The following NDST4 variants were observed in gnomAD, a reference collection of about 807,000 sequenced individuals.
NDST4 encodes N-deacetylase and N-sulfotransferase 4, also known as N-heparan sulfate sulfotransferase 4.
In NDST4, 63 loss-of-function variants were observed where a neutral mutation model predicts 100.8. The ratio of observed to expected loss-of-function variants is 0.62; its 90% confidence interval spans 0.51 to 0.77. The LOEUF is 0.77. NDST4 is among the 30% of genes least tolerant of loss of function. The pLI is 0.00. For missense variants in NDST4, 943 were observed against 1,018.4 expected (o/e 0.93, Z 1.01); for synonymous variants, 377 against 361.8 (o/e 1.04, Z -0.48).
intron 1 of NDST4, among the ~76,000 whole-genome samples, chr4:115,079,863 T>C (rs776359803): frequency 1.6e-4 from 24 of 152,174 alleles, no homozygotes; most frequent in Non-Finnish European, 2.9e-4. Context: ...ACCTCATTAG[T>C]AATTTAAGTT....
intron 5 of NDST4, among the ~76,000 whole-genome samples, chr4:114,935,769 C>A (rs959910777): frequency 2.6e-5 from 4 of 152,124 alleles, no homozygotes; most frequent in South Asian, 2.1e-4. Context: ...GTTTTCATAA[C>A]CCCTTCCACA....
chr4:114,901,588 A>G (rs1205500328), intron 6 of NDST4, among the ~76,000 whole-genome samples: 1 of 151,884 alleles, frequency 6.6e-6, no homozygotes, highest in East Asian at 1.9e-4. Flanking sequence ...CACTCTGACA[A>G]TCTCTATCTT....
intron 6 of NDST4, among the ~76,000 whole-genome samples, chr4:114,905,922 T>C (rs139555899): frequency 0.01 from 1,542 of 152,144 alleles, 28 homozygotes; most frequent in African/African-American, 0.035. Context: ...CTTTGACACA[T>C]GTTCATTTAT....
At chr4:114,906,405 G>A (rs190565751) in intron 6 of NDST4, among the ~76,000 whole-genome samples, 480 of 151,596 alleles carry the variant, frequency 3.2e-3, no homozygotes, top group Non-Finnish European at 5.4e-3. Context: ...GGAGATATTC[G>A]GGGGAGATTA....
chr4:114,835,423 G>T (rs1189973040), intron 11 of NDST4, among the ~76,000 whole-genome samples: 1 of 152,182 alleles, frequency 6.6e-6, no homozygotes, highest in African/African-American at 2.4e-5. Flanking sequence ...GTAGTTGTGC[G>T]GTTTTGAGTG....
intron 2 of NDST4, among the ~76,000 whole-genome samples, chr4:115,016,383 T>C (rs1440228059): frequency 4.6e-5 from 7 of 152,066 alleles, no homozygotes; most frequent in Non-Finnish European, 7.4e-5. Flanking sequence ...GAAGAGGAAG[T>C]AGGAATGACA....
intron 1 of NDST4, among the ~76,000 whole-genome samples, chr4:115,096,891 C>T (rs1729630339): frequency 6.6e-6 from 1 of 152,076 alleles, no homozygotes; most frequent in Non-Finnish European, 1.5e-5. Context: ...TTATAAATGT[C>T]ACCAATAAAC....
intron 2 of NDST4, among the ~76,000 whole-genome samples, chr4:114,978,556 C>T (rs1726695059): frequency 1.3e-5 from 2 of 152,110 alleles, no homozygotes; most frequent in Middle Eastern, 3.4e-3. Context: ...ATTAAAAATA[C>T]ATTTCTCATA....
chr4:115,103,089 A>G (rs1729766050), intron 1 of NDST4, among the ~76,000 whole-genome samples: 2 of 152,078 alleles, frequency 1.3e-5, no homozygotes, highest in South Asian at 2.1e-4. Context: ...GGGTGATATA[A>G]CAAGAGTCTA....
chr4:115,079,202 A>C (rs1729252083), intron 1 of NDST4, among the ~76,000 whole-genome samples: 2 of 151,878 alleles, frequency 1.3e-5, no homozygotes, highest in South Asian at 4.2e-4. Flanking sequence ...AAGTACAAAA[A>C]TTAGCTGGGT....
intron 12 of NDST4, among the ~76,000 whole-genome samples, chr4:114,831,090 G>T (rs1400379465): frequency 6.6e-6 from 1 of 151,152 alleles, no homozygotes; most frequent in East Asian, 1.9e-4. Flanking sequence ...CTGTCGCCCA[G>T]GCCGGACTGC....
At chr4:115,009,735 A>C (rs1431979594) in intron 2 of NDST4, among the ~76,000 whole-genome samples, 1 of 108,318 alleles carries the variant, frequency 9.2e-6, no homozygotes, top group Non-Finnish European at 1.9e-5. Context: ...AACTACCATC[A>C]GAGTGAACAG....
At chr4:115,015,137 T>C (rs897138640) in intron 2 of NDST4, among the ~76,000 whole-genome samples, 1 of 152,096 alleles carries the variant, frequency 6.6e-6, no homozygotes, top group East Asian at 1.9e-4. Context: ...GTGGCCCAAA[T>C]GCCCACTGGC....
rs1214372317 is a variant in NDST4, at chr4:115,074,426, G to A, written c.978+1633C>T. Among the ~76,000 whole-genome samples, 13 of 152,060 alleles carry A rather than the reference G, an allele frequency of 8.5e-5. No individual in the cohort carries two copies. In the South Asian group the frequency reaches 2.3e-3, roughly 27 times the overall value. The stretch of plus-strand genomic sequence containing the variant: ...CCAACCACTCAAAGAACCTTTTGAA[G>A]TAACTGTCCTCTTGTTAAGCCTATG... On this transcript the variant is annotated intron_variant, in intron 2 of 13. Transcript: ENST00000264363.
Position 115,076,917 on chromosome 4 carries a change from T to C in NDST4, c.120A>G (p.Glu40=), listed in dbSNP as rs1187820663. Residue 40 remains glutamate (E), a synonymous_variant, in exon 2 of 14, where the codon GAA becomes GAG. Coordinates refer to ENST00000264363, the MANE Select transcript of NDST4 (RefSeq NM_022569.3). ...CTGCAGTGGTTTCAATAAGTGTCAT[T>C]TCCTGTTTGTAGCCAGAGTAGAGAA... ...AYFLYSGYKQ[E]MTLIETTAEA... The C allele has an allele frequency of 1.2e-6, 2 of 1,613,756 alleles. No homozygotes were observed. The highest frequency in any genetic ancestry group is 2.2e-5 in the East Asian group (1 of 44,764).
intron 6 of NDST4, among the ~76,000 whole-genome samples, chr4:114,929,095 TCCATCC>T: frequency 7.8e-6 from 1 of 128,560 alleles, no homozygotes; most frequent in African/African-American, 2.8e-5. Flanking sequence ...CATCCATCCA[TCCATCC>T]ATCCATCCAT....
intron 2 of NDST4, among the ~76,000 whole-genome samples, chr4:115,018,356 T>C (rs577461691): frequency 6.6e-6 from 1 of 152,076 alleles, no homozygotes; most frequent in East Asian, 1.9e-4. Context: ...AATATCTTAA[T>C]TTTAGTTTTG....
intron 2 of NDST4, among the ~76,000 whole-genome samples, chr4:115,035,060 C>T (rs1169388886): frequency 1.3e-5 from 2 of 152,064 alleles, no homozygotes; most frequent in Admixed American, 6.6e-5. Context: ...CCTTAGTGTA[C>T]CCAAACTAAC....
Position 114,929,120 on chromosome 4 carries a change from CT to C in NDST4, c.1536+6085del, listed in dbSNP as rs1560817158. On this transcript the variant is annotated intron_variant, in intron 6 of 13. Coordinates refer to ENST00000264363, the MANE Select transcript of NDST4 (RefSeq NM_022569.3). ...TCCATCCATCCATCCATCCATCTAT[CT>C]ATCTATCTATCTATCTATCTATCTA... is the stretch of plus-strand genomic sequence containing the variant. Among the ~76,000 whole-genome samples, 352 of 133,060 alleles carry C rather than the reference CT, an allele frequency of 2.6e-3. 2 individuals are homozygous for C. Among genetic ancestry groups the C allele is most frequent in the South Asian group, 0.023 (99 of 4,308 alleles). 87.3% of individuals were successfully genotyped at this position (133,060 alleles called of 152,430 possible). A position where few individuals can be genotyped will look rare whatever the true frequency, so the allele number is the denominator to read the frequency against.
Sources: allele counts gnomAD v4.1 joint callset (sites outside exome capture counted in the v4.1 genomes callset), GRCh38; gene constraint gnomAD v4.1.1; transcripts MANE v1.5; gene names NCBI Gene and HGNC (gene_info 2026-07-23, HGNC 2026-07-21).